DLC1: variants seen among roughly 807,000 people sequenced by gnomAD.
The protein encoded by DLC1 is DLC1 Rho GTPase activating protein, also known as rho GTPase-activating protein 7.
DLC1 carries 54 observed loss-of-function variants against 140.3 expected under a neutral mutation model. The observed-to-expected ratio is 0.38, with a 90% confidence interval of 0.31 to 0.48. The LOEUF (loss-of-function observed/expected upper bound fraction) is 0.48, where lower values mean the gene tolerates loss of function less well. Among genes scored for constraint, DLC1 ranks in the 20% least tolerant of loss-of-function variants. The pLI, the probability that DLC1 is intolerant of heterozygous loss-of-function variation, is 0.96. For missense variants in DLC1, 2,536 were observed against 1,907.0 expected (o/e 1.33, Z -6.14); for synonymous variants, 986 against 728.1 (o/e 1.35, Z -5.70).
intron 4 of DLC1, among the ~76,000 whole-genome samples, chr8:13,370,393 C>T (rs1041337281): frequency 2.0e-5 from 3 of 152,104 alleles, no homozygotes; most frequent in Non-Finnish European, 4.4e-5. Flanking sequence ...AATGTTGGTG[C>T]TCCCCGTTGT....
chr8:13,254,480 C>T (rs1830133773), intron 5 of DLC1, among the ~76,000 whole-genome samples: 1 of 152,128 alleles, frequency 6.6e-6, no homozygotes, highest in South Asian at 2.1e-4. Context: ...CTATATCTTT[C>T]CACTTTTGAT....
chr8:13,091,399 T>C lies in DLC1; in HGVS notation c.3774A>G (p.Pro1258=). ...VMQRKQSLGK[P]DQKDLNENLA... is the part of the protein sequence containing the mutation. ...GGTTTTCATTCAAATCTTTCTGATCTGGTTTGCCCAAACTTTGTTTTCTTT... is the reference window on the plus strand; with the variant it reads ...GGTTTTCATTCAAATCTTTCTGATCCGGTTTGCCCAAACTTTGTTTTCTTT... The change falls in exon 14 of 18, where the codon CCA becomes CCG. Residue 1258 remains proline (P), a synonymous_variant. Coordinates refer to ENST00000276297, the MANE Select transcript of DLC1 (RefSeq NM_182643.3). The C allele has an allele frequency of 1.9e-6, 3 of 1,614,190 alleles. No homozygotes were observed. The highest frequency in any genetic ancestry group is 2.5e-6 in the Non-Finnish European group (3 of 1,180,030).
In DLC1 at chr8:13,438,286, T is replaced by C. The variant is rs1215515302; in HGVS notation, c.1024-36667A>G. Among the ~76,000 whole-genome samples, 3 of 152,306 alleles carry C rather than the reference T, an allele frequency of 2.0e-5. No homozygotes were observed. In the East Asian group the frequency reaches 5.8e-4, roughly 29 times the overall value. Reference sequence around the variant, plus strand: ...TAATGAGCAGTCAGAGTTGAAATGATTGCTTTGTCTTATGGCCCTTGCTGA... The same window carrying C: ...TAATGAGCAGTCAGAGTTGAAATGACTGCTTTGTCTTATGGCCCTTGCTGA... On this transcript the variant is annotated intron_variant, in intron 2 of 17. Transcript: ENST00000276297.
chr8:13,247,311 A>G (rs1328485753), intron 5 of DLC1, among the ~76,000 whole-genome samples: 2 of 152,210 alleles, frequency 1.3e-5, no homozygotes, highest in South Asian at 2.1e-4. Context: ...CAATTGCAAA[A>G]CTAGTACAGC....
At chr8:13,553,203 C>CATATATATATAT (rs1201746846) in intron 1 of DLC1, among the ~76,000 whole-genome samples, 15 of 68,022 alleles carry the variant, frequency 2.2e-4, no homozygotes, top group South Asian at 1.1e-3. Flanking sequence ...TGCCAGCTGT[C>CATATATATATAT]ATATATATAT....
intron 1 of DLC1, among the ~76,000 whole-genome samples, chr8:13,563,101 C>T (rs974947909): frequency 2.6e-5 from 4 of 152,126 alleles, no homozygotes; most frequent in Non-Finnish European, 5.9e-5. Flanking sequence ...ACTTCTCTTC[C>T]TGCTCCTTTT....
intron 1 of DLC1, among the ~76,000 whole-genome samples, chr8:13,525,169 C>A (rs1335758176): frequency 6.6e-6 from 1 of 152,074 alleles, no homozygotes; most frequent in African/African-American, 2.4e-5. Flanking sequence ...TGTATCTGTC[C>A]TTTTTACTGT....
intron 5 of DLC1, among the ~76,000 whole-genome samples, chr8:13,240,910 G>A (rs1429217697): frequency 1.3e-5 from 2 of 152,150 alleles, no homozygotes; most frequent in African/African-American, 4.8e-5. Flanking sequence ...ACTATGAATA[G>A]TGTTTGGACA....
At chr8:13,577,082 T>C (rs1804868233) in intron 1 of DLC1, among the ~76,000 whole-genome samples, 1 of 152,142 alleles carries the variant, frequency 6.6e-6, no homozygotes. Flanking sequence ...AAGGTTGTGG[T>C]AATCCACCAT....
intron 5 of DLC1, among the ~76,000 whole-genome samples, chr8:13,257,553 G>C (rs1223700957): frequency 6.6e-6 from 1 of 151,776 alleles, no homozygotes; most frequent in Non-Finnish European, 1.5e-5. Flanking sequence ...ATACGTGTCA[G>C]TCATCATGAG....
At chr8:13,544,666 T>A (rs965169748) in intron 1 of DLC1, among the ~76,000 whole-genome samples, 2 of 152,124 alleles carry the variant, frequency 1.3e-5, no homozygotes, top group Admixed American at 1.3e-4. Flanking sequence ...GTGTTCGAGA[T>A]GAAGAAATGT....
chr8:13,442,793 T>C (rs925512093), intron 2 of DLC1, among the ~76,000 whole-genome samples: 1 of 152,248 alleles, frequency 6.6e-6, no homozygotes, highest in Non-Finnish European at 1.5e-5. Context: ...GAAGTCAGTG[T>C]GGTGATTCCT....
intron 4 of DLC1, among the ~76,000 whole-genome samples, chr8:13,348,933 G>A (rs73203956): frequency 0.035 from 5,386 of 152,244 alleles, 144 homozygotes; most frequent in Middle Eastern, 0.054. Context: ...CTGGAAAACG[G>A]AAAGTGCTCA....
At chr8:13,239,681 T>A (rs1012236595) in intron 5 of DLC1, among the ~76,000 whole-genome samples, 4 of 152,156 alleles carry the variant, frequency 2.6e-5, no homozygotes, top group Non-Finnish European at 5.9e-5. Flanking sequence ...AAGAGGGAGA[T>A]AATCCTGATA....
intron 4 of DLC1, among the ~76,000 whole-genome samples, chr8:13,384,448 A>T (rs1164328018): frequency 1.3e-5 from 2 of 152,230 alleles, no homozygotes; most frequent in Non-Finnish European, 2.9e-5. Flanking sequence ...TGATCTCACA[A>T]CTTTGATATA....
intron 4 of DLC1, among the ~76,000 whole-genome samples, chr8:13,324,373 C>A (rs1283214857): frequency 1.3e-5 from 1 of 79,504 alleles, no homozygotes; most frequent in Admixed American, 1.7e-4. Flanking sequence ...TCGAGACCAT[C>A]CTGGTTAATA....
At chr8:13,416,579 T>C (rs953217157) in intron 2 of DLC1, among the ~76,000 whole-genome samples, 2 of 152,184 alleles carry the variant, frequency 1.3e-5, no homozygotes, top group Non-Finnish European at 2.9e-5. Context: ...CTGAAATGTT[T>C]CATTTCAGAA....
At chr8:13,580,445 C>T (rs1805053974) in intron 1 of DLC1, among the ~76,000 whole-genome samples, 1 of 152,138 alleles carries the variant, frequency 6.6e-6, no homozygotes, top group Admixed American at 6.5e-5. Context: ...TTAACCGAAG[C>T]TTACACAAAG....
At position 13,084,503 on chromosome 8, in the gene DLC1, G is replaced by A. The variant is rs1045493526; in HGVS notation, c.*1308C>T. 6.6e-6 allele frequency: 1 copy of A among 151,748 alleles called. No individual in the cohort carries two copies. The highest frequency in any genetic ancestry group is 1.5e-5 in the Non-Finnish European group (1 of 67,936). The allele number at this position is 151,748 out of a possible 1,614,324, so 9.4% of individuals were successfully genotyped here. ...CCTGAATAAAGACCACCCTTCTAAA[G>A]GTTCTAAAAAACTTCACTGGTTTGG... is the stretch of plus-strand genomic sequence containing the variant. On this transcript the variant is annotated 3_prime_UTR_variant, in exon 18 of 18. Transcript: ENST00000276297.
Sources: gnomAD v4.1 joint callset for allele counts (sites outside exome capture counted in the v4.1 genomes callset) on GRCh38, gnomAD v4.1.1 for gene constraint, MANE v1.5 for transcripts, NCBI Gene and HGNC (gene_info 2026-07-23, HGNC 2026-07-21) for gene names.